Variants in AFF2 observed in about 807,000 individuals in gnomAD.
AFF2 encodes AF4/FMR2 family member 2.
A neutral mutation model predicts 76.9 loss-of-function variants in AFF2; 14 were observed. The ratio of observed to expected loss-of-function variants is 0.18; its 90% CI spans 0.12 to 0.28. AFF2 has a LOEUF of 0.28. AFF2 is among the 10% of genes least tolerant of loss of function. The probability of loss-of-function intolerance (pLI) is 1.00; values close to 1 mark genes in which losing one functional copy is unlikely to be tolerated. For missense variants in AFF2, 868 were observed against 1,001.1 expected, an observed-to-expected ratio of 0.87 and a Z score of 1.79; for synonymous variants, 398 against 366.7, an observed-to-expected ratio of 1.09 and a Z score of -0.98.
intron 1 of AFF2, among the ~76,000 whole-genome samples, chrX:148,546,174 C>G (rs1457741292): frequency 9.0e-6 from 1 of 111,581 alleles, no homozygotes; most frequent in Non-Finnish European, 1.9e-5. Flanking sequence ...CTAAATCTTG[C>G]TGAATCTTTT....
At chrX:148,642,025 T>G (rs1445401859) in intron 1 of AFF2, among the ~76,000 whole-genome samples, 2 of 112,568 alleles carry the variant, frequency 1.8e-5, no homozygotes, top group African/African-American at 3.2e-5. Flanking sequence ...AGGGTTACCC[T>G]GATTCTAGTC....
chrX:148,507,715 G>A (rs1272286941), intron 1 of AFF2, among the ~76,000 whole-genome samples: 9 of 111,834 alleles, frequency 8.0e-5, no homozygotes, highest in Non-Finnish European at 1.7e-4. Flanking sequence ...TCAAAGCAAG[G>A]CACACTTTAC....
intron 7 of AFF2, among the ~76,000 whole-genome samples, chrX:148,872,191 T>G (rs1006076705): frequency 9.0e-6 from 1 of 111,494 alleles, no homozygotes; most frequent in Non-Finnish European, 1.9e-5. Context: ...TTCTAGTATA[T>G]TCACAGAGTT....
intron 3 of AFF2, among the ~76,000 whole-genome samples, chrX:148,727,946 C>A (rs1268561480): frequency 8.9e-6 from 1 of 112,211 alleles, no homozygotes; most frequent in Non-Finnish European, 1.9e-5. Context: ...TGTATGTTTT[C>A]TGTAATTGAT....
At chrX:148,599,356 G>A (rs782560486) in intron 1 of AFF2, among the ~76,000 whole-genome samples, 7 of 112,028 alleles carry the variant, frequency 6.2e-5, no homozygotes, top group Non-Finnish European at 1.3e-4. Context: ...ATGTTGGTAA[G>A]TGAAGAGCTG....
At chrX:148,741,020 C>T (rs782378991) in intron 3 of AFF2, among the ~76,000 whole-genome samples, 3 of 111,874 alleles carry the variant, frequency 2.7e-5, no homozygotes, top group Admixed American at 1.9e-4. Flanking sequence ...GTCTCTCACC[C>T]GTGGATACCA....
chrX:148,823,568 G>T (rs1382512177), intron 4 of AFF2, among the ~76,000 whole-genome samples: 1 of 111,903 alleles, frequency 8.9e-6, no homozygotes, highest in Non-Finnish European at 1.9e-5. Flanking sequence ...GAACAGAACT[G>T]CCCCAGATAT....
In AFF2 at chrX:148,802,383, G is replaced by A. The variant is rs73638194; in HGVS notation, c.1042-7493G>A. Among the ~76,000 whole-genome samples the A allele has an allele frequency of 6.8e-3, 764 of 111,750 alleles. 5 individuals carry two copies. Among genetic ancestry groups the A allele is most frequent in the African/African-American group, 0.024 (736 of 30,772 alleles). On this transcript the variant is annotated intron_variant, in intron 3 of 20. Transcript: ENST00000370460. ...ACTGTTCTGTATTTTGAACAAACTG[G>A]CCTTTATTCTGAGATTATGCCTTAT... is the stretch of plus-strand genomic sequence containing the variant.
chrX:148,952,691 A>C (rs1363934878), intron 9 of AFF2, among the ~76,000 whole-genome samples: 1 of 112,259 alleles, frequency 8.9e-6, no homozygotes, highest in Non-Finnish European at 1.9e-5. Context: ...GAGGAGTATT[A>C]TTTATCAATA....
intron 7 of AFF2, among the ~76,000 whole-genome samples, chrX:148,849,361 TCTCCTCCCCCC>T (rs2070704882): frequency 4.9e-5 from 1 of 20,495 alleles, no homozygotes; most frequent in African/African-American, 3.8e-4. Context: ...TGTCTCTCTC[TCTCCTCCCCCC>T]CCCCCCCCCC....
At chrX:148,971,771 A>AT (rs2072261106) in intron 15 of AFF2, among the ~76,000 whole-genome samples, 1 of 18,894 alleles carries the variant, frequency 5.3e-5, no homozygotes, top group African/African-American at 1.8e-4. Flanking sequence ...TTTTTTTTTA[A>AT]TGTTTTTTTT....
intron 4 of AFF2, among the ~76,000 whole-genome samples, chrX:148,824,477 C>A (rs782463126): frequency 8.9e-6 from 1 of 111,771 alleles, no homozygotes; most frequent in African/African-American, 3.3e-5. Flanking sequence ...TTGATTATGG[C>A]AATCATTTTA....
intron 9 of AFF2, among the ~76,000 whole-genome samples, chrX:148,919,897 A>T (rs1360015794): frequency 8.9e-6 from 1 of 112,679 alleles, no homozygotes; most frequent in Admixed American, 9.4e-5. Context: ...CAAAAGTTCT[A>T]GGTGCTTGGA....
chrX:148,853,956 G>A (rs782013366), intron 7 of AFF2, among the ~76,000 whole-genome samples: 62 of 112,034 alleles, frequency 5.5e-4, no homozygotes, highest in Middle Eastern at 4.6e-3. Context: ...AATCTCATAC[G>A]TTTTACAATC....
chrX:148,501,853 C>T (rs782060891), intron 1 of AFF2, among the ~76,000 whole-genome samples: 279 of 112,302 alleles, frequency 2.5e-3, no homozygotes, highest in African/African-American at 8.8e-3. Flanking sequence ...GATGGACCCC[C>T]TTCGGCCTCC....
chrX:148,883,190 A>G (rs782071938), intron 7 of AFF2, among the ~76,000 whole-genome samples: 63 of 112,056 alleles, frequency 5.6e-4, no homozygotes, highest in African/African-American at 1.8e-3. Context: ...GAAGACCACA[A>G]GCACATTTCT....
chrX:148,694,175 C>CGGGGGGGG (rs67194871), intron 3 of AFF2, among the ~76,000 whole-genome samples: 1 of 72,851 alleles, frequency 1.4e-5, no homozygotes, highest in Non-Finnish European at 2.5e-5. Context: ...GTTGTGGGGT[C>CGGGGGGGG]GGGGGGGGGG....
chrX:148,614,738 T>TTTTC (rs563984440), intron 1 of AFF2, among the ~76,000 whole-genome samples: 3,228 of 55,189 alleles, frequency 0.058, 178 homozygotes, highest in East Asian at 0.12. Context: ...TCTTTCCTTC[T>TTTTC]TTTCTTTCTT....
Position 148,985,174 on chromosome X carries a change from G to A in AFF2, c.3624-2193G>A, listed in dbSNP as rs782477162. 5.6e-5 allele frequency among the ~76,000 whole-genome samples: 6 copies of A among 107,814 alleles called. No homozygotes were observed. The South Asian group carries it at 2.1e-3, about 38-fold the overall frequency. The allele number at this position is 107,814 out of a possible 115,157, so 93.6% of individuals were successfully genotyped here. On this transcript the variant is annotated intron_variant, in intron 19 of 20. Coordinates refer to ENST00000370460, the MANE Select transcript of AFF2 (RefSeq NM_002025.4). Reference sequence around the variant, plus strand: ...TAATTTTCGTATTTTTAGTAGAGACGGGGTTTCACCATGTTGGCCAGGCTG... The same window carrying A: ...TAATTTTCGTATTTTTAGTAGAGACAGGGTTTCACCATGTTGGCCAGGCTG...
Sources: allele counts gnomAD v4.1 joint callset (sites outside exome capture counted in the v4.1 genomes callset), GRCh38; gene constraint gnomAD v4.1.1; transcripts MANE v1.5; gene names NCBI Gene and HGNC (gene_info 2026-07-23, HGNC 2026-07-21).